RANBP9: variants seen among roughly 807,000 people sequenced by gnomAD.
RANBP9 encodes RAN binding protein 9.
In RANBP9, 15 loss-of-function variants were observed where a neutral mutation model predicts 84.3. The ratio of observed to expected loss-of-function variants is 0.18; its 90% CI spans 0.12 to 0.27. The LOEUF (loss-of-function observed/expected upper bound fraction) is 0.27, where lower values mean the gene tolerates loss of function less well. Among genes scored for constraint, RANBP9 ranks in the 10% least tolerant of loss-of-function variants. RANBP9 has a pLI of 1.00. For missense variants in RANBP9, 809 were observed against 912.8 expected, an observed-to-expected ratio of 0.89 and a Z score of 1.46; for synonymous variants, 392 against 349.6, an observed-to-expected ratio of 1.12 and a Z score of -1.35.
At chr6:13,688,168 T>C (rs1414235231) in intron 2 of RANBP9, among the ~76,000 whole-genome samples, 1 of 152,180 alleles carries the variant, frequency 6.6e-6, no homozygotes, top group Non-Finnish European at 1.5e-5. Context: ...AGAGAGTCTG[T>C]CAAAAAATAC....
chr6:13,659,358 AC>A (rs1765489971), intron 2 of RANBP9, among the ~76,000 whole-genome samples: 1 of 152,014 alleles, frequency 6.6e-6, no homozygotes, highest in Non-Finnish European at 1.5e-5. Flanking sequence ...TAATAAAATT[AC>A]CCCAAGGTAT....
chr6:13,651,874 A>C (rs1030141800), intron 5 of RANBP9, among the ~76,000 whole-genome samples: 9 of 152,008 alleles, frequency 5.9e-5, no homozygotes, highest in African/African-American at 2.2e-4. Context: ...CCCCATTATT[A>C]TCTCTGATCA....
intron 2 of RANBP9, among the ~76,000 whole-genome samples, chr6:13,674,037 T>TC (rs1046479023): frequency 8.5e-4 from 126 of 148,666 alleles, no homozygotes; most frequent in Admixed American, 6.7e-4. Flanking sequence ...TGAGCTGAGA[T>TC]CCCGCCACTG....
Position 13,658,770 on chromosome 6 carries a change from A to T in RANBP9, c.736+10T>A, listed in dbSNP as rs755602297. On this transcript the variant is annotated intron_variant, in intron 3 of 13. Coordinates refer to ENST00000011619, the MANE Select transcript of RANBP9 (RefSeq NM_005493.3). ...TAAGACATAATACTGTAATTCAATTACAAGTGTACCTGGTAGTCTATTCAT... is the reference window on the plus strand; with the variant it reads ...TAAGACATAATACTGTAATTCAATTTCAAGTGTACCTGGTAGTCTATTCAT... The T allele has an allele frequency of 6.5e-7, 1 of 1,544,958 alleles. No homozygotes were observed. Among genetic ancestry groups the T allele is most frequent in the Non-Finnish European group, 9.0e-7 (1 of 1,117,224 alleles).
At chr6:13,643,787 G>A (rs1043385894) in intron 6 of RANBP9, among the ~76,000 whole-genome samples, 1 of 152,120 alleles carries the variant, frequency 6.6e-6, no homozygotes, top group Non-Finnish European at 1.5e-5. Context: ...ATTCTCAACT[G>A]GGCTGGACAA....
chr6:13,683,082 C>A (rs1766082711), intron 2 of RANBP9, among the ~76,000 whole-genome samples: 1 of 152,178 alleles, frequency 6.6e-6, no homozygotes, highest in African/African-American at 2.4e-5. Context: ...GGATGAATCT[C>A]AACTCTTAAC....
chr6:13,661,921 T>A (rs1765545478), intron 2 of RANBP9, among the ~76,000 whole-genome samples: 1 of 152,148 alleles, frequency 6.6e-6, no homozygotes, highest in Admixed American at 6.5e-5. Flanking sequence ...TGGCACAATA[T>A]GTTCAAAGTA....
At chr6:13,654,442 T>C (rs1765358462) in intron 4 of RANBP9, among the ~76,000 whole-genome samples, 1 of 152,222 alleles carries the variant, frequency 6.6e-6, no homozygotes. Flanking sequence ...TATTTTTCCT[T>C]ATATAGTAAA....
At chr6:13,644,464 G>A in intron 6 of RANBP9, 81 bp downstream of exon 6, 1 of 1,389,252 alleles carries the variant, frequency 7.2e-7, no homozygotes, top group Non-Finnish European at 9.9e-7. Context: ...GGATTAAAAA[G>A]CTTCTGTGGA....
At chr6:13,690,462 G>T (rs566194430) in intron 2 of RANBP9, among the ~76,000 whole-genome samples, 1 of 151,880 alleles carries the variant, frequency 6.6e-6, no homozygotes, top group African/African-American at 2.4e-5. Context: ...CTCCTCCCCC[G>T]CCAAGAAATA....
At chr6:13,649,522 C>T (rs1353829916) in intron 5 of RANBP9, among the ~76,000 whole-genome samples, 1 of 150,404 alleles carries the variant, frequency 6.6e-6, no homozygotes, top group East Asian at 1.9e-4. Context: ...AAACTTACAG[C>T]ATTCTCACCA....
chr6:13,630,373 CA>C (rs1764743320), intron 12 of RANBP9, among the ~76,000 whole-genome samples: 1 of 152,152 alleles, frequency 6.6e-6, no homozygotes, highest in Non-Finnish European at 1.5e-5. Context: ...TTCTGAGCTT[CA>C]TGTAAATAAG....
rs757927508 is a variant in RANBP9, at chr6:13,632,539, A to G, written c.1796-18T>C. 6.2e-7 allele frequency: 1 copy of G among 1,603,774 alleles called. No homozygotes were observed. The highest frequency in any genetic ancestry group is 8.5e-7 in the Non-Finnish European group (1 of 1,170,918). On this transcript the variant is annotated intron_variant, in intron 11 of 13. Coordinates refer to ENST00000011619, the MANE Select transcript of RANBP9 (RefSeq NM_005493.3). ...ATCAACTTCTGTAAGAAAAACAGAC[A>G]AGTATTTTACTACCTTATGGAATGG...
intron 1 of RANBP9, among the ~76,000 whole-genome samples, chr6:13,705,868 C>CAAAAAAAAAAAAAAA (rs767070995): frequency 5.5e-4 from 42 of 76,726 alleles, no homozygotes; most frequent in African/African-American, 1.2e-3. Context: ...GACTCCGTCT[C>CAAAAAAAAAAAAAAA]AAAAAAAAAA....
intron 1 of RANBP9, among the ~76,000 whole-genome samples, chr6:13,705,756 G>A: frequency 6.6e-6 from 1 of 151,714 alleles, no homozygotes; most frequent in Non-Finnish European, 1.5e-5. Flanking sequence ...CCAGCTACTG[G>A]GGAGGCTGAA....
chr6:13,666,598 T>C (rs1584931778), intron 2 of RANBP9, among the ~76,000 whole-genome samples: 2 of 26,336 alleles, frequency 7.6e-5, no homozygotes, highest in African/African-American at 2.7e-4. Context: ...ACCCCGTCTC[T>C]CCAAAAAAAA....
At chr6:13,664,953 G>C (rs1420775763) in intron 2 of RANBP9, among the ~76,000 whole-genome samples, 1 of 152,068 alleles carries the variant, frequency 6.6e-6, no homozygotes, top group Non-Finnish European at 1.5e-5. Flanking sequence ...GTCTAACAAA[G>C]AGACCCACAT....
intron 11 of RANBP9, chr6:13,632,782 G>T: frequency 9.8e-6 from 2 of 203,242 alleles, no homozygotes; most frequent in Non-Finnish European, 1.9e-5. Context: ...GGGTACTTAT[G>T]TCAGAAAAAA....
intron 12 of RANBP9, among the ~76,000 whole-genome samples, chr6:13,626,865 A>G (rs946821896): frequency 3.3e-5 from 5 of 152,204 alleles, no homozygotes; most frequent in African/African-American, 9.6e-5. Context: ...AGGTGGGGGA[A>G]AGGCTTCTGA....
Sources: gnomAD v4.1 joint callset for allele counts (sites outside exome capture counted in the v4.1 genomes callset) on GRCh38, gnomAD v4.1.1 for gene constraint, MANE v1.5 for transcripts, NCBI Gene and HGNC (gene_info 2026-07-23, HGNC 2026-07-21) for gene names.